The following RTN1 variants were observed in gnomAD, a reference collection of about 807,000 sequenced individuals.
RTN1 encodes the protein reticulon 1.
RTN1 carries 25 observed loss-of-function variants against 65.5 expected under a neutral mutation model. The observed-to-expected ratio is 0.38, with a 90% CI of 0.28 to 0.53. The LOEUF (loss-of-function observed/expected upper bound fraction) is 0.53. RTN1 is among the 20% of genes least tolerant of loss of function. The pLI is 0.79. For synonymous variants in RTN1, 471 were observed against 447.6 expected, an observed-to-expected ratio of 1.05 and a Z score of -0.66; for missense variants, 983 against 1,025.4, an observed-to-expected ratio of 0.96 and a Z score of 0.57.
intron 1 of RTN1, among the ~76,000 whole-genome samples, chr14:59,805,008 G>T (rs905280330): frequency 3.9e-5 from 6 of 152,182 alleles, no homozygotes; most frequent in African/African-American, 1.4e-4. Context: ...GAAGGCAAAG[G>T]AATTATTCAC....
intron 1 of RTN1, among the ~76,000 whole-genome samples, chr14:59,773,621 C>T (rs998394436): frequency 6.6e-6 from 1 of 152,126 alleles, no homozygotes; most frequent in Admixed American, 6.5e-5. Context: ...AGTTAAGAAT[C>T]TCCTAAAGAC....
intron 3 of RTN1, among the ~76,000 whole-genome samples, chr14:59,616,793 A>C (rs1882114328): frequency 6.6e-6 from 1 of 152,198 alleles, no homozygotes; most frequent in African/African-American, 2.4e-5. Flanking sequence ...AAATAACTTT[A>C]AAAATTGTGC....
chr14:59,761,910 G>A (rs1348571660), intron 1 of RTN1, among the ~76,000 whole-genome samples: 3 of 152,190 alleles, frequency 2.0e-5, no homozygotes, highest in Non-Finnish European at 2.9e-5. Context: ...ATCATGGAGA[G>A]TGGTATCCTT....
chr14:59,606,606 C>T (rs903987048), intron 4 of RTN1, among the ~76,000 whole-genome samples: 2 of 152,198 alleles, frequency 1.3e-5, no homozygotes, highest in Non-Finnish European at 2.9e-5. Flanking sequence ...GATTTCCCAG[C>T]CTCCAGAACA....
chr14:59,812,373 A>G (rs559595878), intron 1 of RTN1, among the ~76,000 whole-genome samples: 1 of 152,220 alleles, frequency 6.6e-6, no homozygotes, highest in Non-Finnish European at 1.5e-5. Flanking sequence ...ATGGTTAAGA[A>G]ATACATAAAT....
chr14:59,858,536 A>C (rs923029400), intron 1 of RTN1, among the ~76,000 whole-genome samples: 1 of 150,696 alleles, frequency 6.6e-6, no homozygotes, highest in African/African-American at 2.4e-5. Flanking sequence ...GGAATTTTGG[A>C]GAATGTGAGC....
At chr14:59,667,604 G>T (rs1883408014) in intron 3 of RTN1, among the ~76,000 whole-genome samples, 1 of 152,146 alleles carries the variant, frequency 6.6e-6, no homozygotes, top group East Asian at 1.9e-4. Context: ...TGGAAATTCT[G>T]GCCAGGGCAA....
intron 3 of RTN1, among the ~76,000 whole-genome samples, chr14:59,651,973 A>G (rs747808638): frequency 6.6e-6 from 1 of 152,212 alleles, no homozygotes; most frequent in Non-Finnish European, 1.5e-5. Context: ...TTTATAAGGA[A>G]CTTAAACAAA....
intron 3 of RTN1, among the ~76,000 whole-genome samples, chr14:59,714,276 C>T (rs1408523283): frequency 1.3e-5 from 2 of 151,326 alleles, no homozygotes; most frequent in Non-Finnish European, 2.9e-5. Flanking sequence ...TATTATGGGA[C>T]ATGTGCCACA....
At chr14:59,753,015 T>C (rs1370676590) in intron 1 of RTN1, among the ~76,000 whole-genome samples, 3 of 152,180 alleles carry the variant, frequency 2.0e-5, no homozygotes, top group Admixed American at 6.5e-5. Flanking sequence ...CAGAATTCCC[T>C]TCCAACTTTC....
chr14:59,679,897 G>T (rs554437065), intron 3 of RTN1, among the ~76,000 whole-genome samples: 4 of 152,236 alleles, frequency 2.6e-5, no homozygotes, highest in Admixed American at 2.6e-4. Flanking sequence ...CAGGTTGGGG[G>T]TTGGGGTTTG....
intron 1 of RTN1, among the ~76,000 whole-genome samples, chr14:59,757,422 C>T (rs1885661979): frequency 6.6e-6 from 1 of 152,174 alleles, no homozygotes; most frequent in Non-Finnish European, 1.5e-5. Context: ...TTCTCATTCT[C>T]TCTTTGCTGG....
chr14:59,687,201 G>A (rs1268720511), intron 3 of RTN1, among the ~76,000 whole-genome samples: 1 of 152,200 alleles, frequency 6.6e-6, no homozygotes, highest in East Asian at 1.9e-4. Flanking sequence ...CATGGTGGCA[G>A]GGTCCTCTCT....
intron 1 of RTN1, among the ~76,000 whole-genome samples, chr14:59,748,446 C>A (rs1594718829): frequency 6.6e-6 from 1 of 151,972 alleles, no homozygotes; most frequent in East Asian, 1.9e-4. Flanking sequence ...AATTCTCTCA[C>A]CCCCAAGTCT....
intron 3 of RTN1, among the ~76,000 whole-genome samples, chr14:59,661,620 C>G (rs1243513406): frequency 6.6e-6 from 1 of 152,106 alleles, no homozygotes; most frequent in Non-Finnish European, 1.5e-5. Flanking sequence ...TAAATGTAAT[C>G]CATCACATAA....
chr14:59,773,503 G>A (rs1885995936), intron 1 of RTN1, among the ~76,000 whole-genome samples: 1 of 152,072 alleles, frequency 6.6e-6, no homozygotes, highest in South Asian at 2.1e-4. Context: ...TTTAACCACA[G>A]CAATATTTAT....
At chr14:59,688,557 G>T (rs1883894796) in intron 3 of RTN1, among the ~76,000 whole-genome samples, 1 of 152,086 alleles carries the variant, frequency 6.6e-6, no homozygotes, top group African/African-American at 2.4e-5. Context: ...AGGCAACAGA[G>T]AACTTCTCCC....
chr14:59,782,581 T>G (rs958187875), intron 1 of RTN1, among the ~76,000 whole-genome samples: 3 of 152,198 alleles, frequency 2.0e-5, no homozygotes, highest in African/African-American at 7.2e-5. Flanking sequence ...TTAAGTCAGC[T>G]TTTTATCCCA....
At chr14:59,866,075 C>T (rs918247817) in intron 1 of RTN1, among the ~76,000 whole-genome samples, 1 of 152,078 alleles carries the variant, frequency 6.6e-6, no homozygotes, top group Non-Finnish European at 1.5e-5. Flanking sequence ...TTATAATTCC[C>T]TTCTAGTCAA....
Sources: gnomAD v4.1 joint callset for allele counts (sites outside exome capture counted in the v4.1 genomes callset) on GRCh38, gnomAD v4.1.1 for gene constraint, MANE v1.5 for transcripts, NCBI Gene and HGNC (gene_info 2026-07-23, HGNC 2026-07-21) for gene names.